The following EML4 variants were observed in gnomAD, a reference collection of about 807,000 sequenced individuals.
EML4 encodes EMAP like 4, also known as echinoderm microtubule-associated protein-like 4.
Under a neutral mutation model 129.0 loss-of-function variants are expected in EML4, and 72 were observed. That is an observed-to-expected ratio of 0.56 (90% CI 0.46 to 0.68). The LOEUF (loss-of-function observed/expected upper bound fraction) is 0.68. Ranked by LOEUF, EML4 falls within the 30% of genes least tolerant of loss-of-function variation. EML4 has a pLI of 0.00. For synonymous variants in EML4, 532 were observed against 405.0 expected (o/e 1.31, Z -3.77); for missense variants, 1,363 against 1,190.6 (o/e 1.14, Z -2.13).
rs1448425043 is a variant in EML4 at position 42,258,200 on chromosome 2, C to T, written c.338+1570C>T. Among the ~76,000 whole-genome samples, 2 of 152,052 alleles carry T rather than the reference C, an allele frequency of 1.3e-5. 1 individual carries two copies. Among genetic ancestry groups the T allele is most frequent in the African/African-American group, 4.8e-5 (2 of 41,400 alleles). ...TAAATAACCCAGAAGGAAAATGGCT[C>T]TTTTAGGTTGTACTGGGCCCACATA... On this transcript the variant is annotated intron_variant, in intron 3 of 22. Transcript: ENST00000318522.
Position 42,245,629 on chromosome 2 carries a change from G to C in EML4, c.150G>C (p.Arg50Ser). ...VLKAALADVLRRLAISEDHVA... is the reference protein window; with the variant it reads ...VLKAALADVLSRLAISEDHVA... Reference sequence around the variant, plus strand: ...AGGCGGCTTTGGCTGATGTTTTGAGGCGTCTTGCAATCTCTGAAGATCATG... The same window carrying C: ...AGGCGGCTTTGGCTGATGTTTTGAGCCGTCTTGCAATCTCTGAAGATCATG... The change falls in exon 2 of 23, where the codon AGG becomes AGC. Residue 50 changes from arginine to serine, a missense_variant. By Grantham distance (110) the Arg-to-Ser change is moderately radical (BLOSUM62 -1). Transcript: ENST00000318522. 1 of 1,613,724 alleles carries C rather than the reference G, an allele frequency of 6.2e-7. No homozygotes were observed. Among genetic ancestry groups the C allele is most frequent in the Middle Eastern group, 1.7e-4 (1 of 6,056 alleles).
chr2:42,202,088 A>AG (rs1466336027), intron 1 of EML4, among the ~76,000 whole-genome samples: 3 of 152,094 alleles, frequency 2.0e-5, no homozygotes, highest in African/African-American at 7.2e-5. Context: ...GTCTCAAAAA[A>AG]AAAAAAAAGA....
intron 6 of EML4, among the ~76,000 whole-genome samples, chr2:42,277,184 A>G (rs1415653139): frequency 2.6e-5 from 4 of 152,232 alleles, no homozygotes; most frequent in African/African-American, 9.6e-5. Context: ...CACCTCTGAT[A>G]AAAGATCCTG....
rs114047328 is a variant in EML4 at position 42,228,599 on chromosome 2, C to G, written c.26-16906C>G. ...TACATAGTGAGCTCTTAAAATGGCA[C>G]TGCTTTAAAAAATTTCTCATGAGTA... On this transcript the variant is annotated intron_variant, in intron 1 of 22. Transcript: ENST00000318522. Among the ~76,000 whole-genome samples, 1,123 of 152,238 alleles carry G rather than the reference C, an allele frequency of 7.4e-3. 12 individuals carry two copies. The highest frequency in any genetic ancestry group is 0.026 in the African/African-American group (1,077 of 41,546).
At chr2:42,269,251 A>C (rs1053875803) in intron 6 of EML4, among the ~76,000 whole-genome samples, 2 of 152,224 alleles carry the variant, frequency 1.3e-5, no homozygotes, top group African/African-American at 4.8e-5. Context: ...TGCTTTATCA[A>C]ATAATTTAAA....
At chr2:42,326,911 T>C (rs914908259) in intron 21 of EML4, among the ~76,000 whole-genome samples, 8 of 151,986 alleles carry the variant, frequency 5.3e-5, no homozygotes, top group Admixed American at 6.6e-5. Context: ...AATTCAGTGG[T>C]TTTTGTATAC....
At chr2:42,286,878 T>C (rs1010559861) in intron 10 of EML4, among the ~76,000 whole-genome samples, 3 of 152,224 alleles carry the variant, frequency 2.0e-5, no homozygotes, top group Non-Finnish European at 4.4e-5. Context: ...TTTGAATTGA[T>C]GACAACATGG....
intron 3 of EML4, among the ~76,000 whole-genome samples, chr2:42,260,254 G>A (rs1330563226): frequency 2.0e-5 from 3 of 151,970 alleles, no homozygotes; most frequent in Non-Finnish European, 2.9e-5. Flanking sequence ...TGCAAACTCC[G>A]CCTCCCTGGC....
intron 6 of EML4, among the ~76,000 whole-genome samples, chr2:42,277,053 T>C (rs1341881912): frequency 6.6e-6 from 1 of 151,998 alleles, no homozygotes; most frequent in Non-Finnish European, 1.5e-5. Flanking sequence ...AGGAGAGCAT[T>C]TTTTTTTCTT....
At position 42,325,602 on chromosome 2, in the gene EML4, T is replaced by TATA. The variant is rs1558614750; in HGVS notation, c.2242+48_2242+49insATA. ...ATATATATATATGCTATGATTATAT[T>TATA]TATATATATATATATATATATATAT... On this transcript the variant is annotated intron_variant, in intron 20 of 22. Coordinates refer to ENST00000318522, the MANE Select transcript of EML4 (RefSeq NM_019063.5). 417 of 129,286 alleles carry TATA rather than the reference T, an allele frequency of 3.2e-3. 43 individuals are homozygous for TATA. The highest frequency in any genetic ancestry group is 0.029 in the East Asian group (113 of 3,928). 8.0% of individuals were successfully genotyped at this position (129,286 alleles called of 1,614,324 possible).
chr2:42,303,151 A>G lies in EML4; in HGVS notation c.1689A>G (p.Ala563=). Residue 563 remains alanine (A), a synonymous_variant, in exon 15 of 23, where the codon GCA becomes GCG. Transcript: ENST00000318522. ...TCAGAGCTGTAGCAGAAGGAAAGGC[A>G]GATCAATTTTTAGTAGGCACATCAC... The part of the protein sequence containing the change: ...GTIRAVAEGK[A]DQFLVGTSRN... The G allele has an allele frequency of 6.2e-7, 1 of 1,614,172 alleles. No individual in the cohort carries two copies. The highest frequency in any genetic ancestry group is 1.1e-5 in the South Asian group (1 of 91,084).
chr2:42,272,175 G>C (rs190791878), intron 6 of EML4, among the ~76,000 whole-genome samples: 18 of 151,444 alleles, frequency 1.2e-4, no homozygotes, highest in Admixed American at 1.1e-3. Flanking sequence ...GAAGCACTTT[G>C]AAAAGAATGC....
intron 6 of EML4, among the ~76,000 whole-genome samples, chr2:42,269,270 A>G (rs1666238698): frequency 1.3e-5 from 2 of 152,262 alleles, no homozygotes; most frequent in East Asian, 3.8e-4. Flanking sequence ...AAAATAAATA[A>G]AACGAACTCA....
intron 1 of EML4, among the ~76,000 whole-genome samples, chr2:42,188,422 A>G (rs1293329707): frequency 6.6e-6 from 1 of 151,322 alleles, no homozygotes; most frequent in Non-Finnish European, 1.5e-5. Flanking sequence ...GGTTTTTGCC[A>G]TGTTGCCCAG....
intron 3 of EML4, among the ~76,000 whole-genome samples, chr2:42,258,991 A>G (rs1431354140): frequency 1.3e-5 from 2 of 152,226 alleles, no homozygotes; most frequent in Non-Finnish European, 1.5e-5. Flanking sequence ...TCACGCCTGT[A>G]ATCCCAGCAC....
chr2:42,230,810 C>G (rs779317403), intron 1 of EML4, among the ~76,000 whole-genome samples: 1 of 152,208 alleles, frequency 6.6e-6, no homozygotes. Flanking sequence ...TCATCTTCTT[C>G]CCTTCATTCT....
chr2:42,232,790 T>C (rs1335261135), intron 1 of EML4, among the ~76,000 whole-genome samples: 2 of 152,108 alleles, frequency 1.3e-5, no homozygotes, highest in Non-Finnish European at 2.9e-5. Context: ...GTGGCACGGA[T>C]TTCGGCTCAC....
chr2:42,225,983 AT>A (rs1285992712), intron 1 of EML4, among the ~76,000 whole-genome samples: 2 of 152,150 alleles, frequency 1.3e-5, no homozygotes, highest in African/African-American at 4.8e-5. Context: ...AATTTGTTTT[AT>A]TTTTAAGGAA....
At position 42,325,596 on chromosome 2, in the gene EML4, TTATATTTATATATATATATA is replaced by T. The variant is rs760837407; in HGVS notation, c.2242+48_2242+67del. The T allele has an allele frequency of 8.8e-3, 1,329 of 150,708 alleles. 36 individuals are homozygous for T. The highest frequency in any genetic ancestry group is 0.013 in the Non-Finnish European group (1,034 of 79,732). The allele number at this position is 150,708 out of a possible 1,614,324, so 9.3% of individuals were successfully genotyped here. On this transcript the variant is annotated intron_variant, in intron 20 of 22. Transcript: ENST00000318522. ...TTATATATATATATATATGCTATGA[TTATATTTATATATATATATA>T]TATATATATATATATATATATATGC...
Sources: allele counts gnomAD v4.1 joint callset (sites outside exome capture counted in the v4.1 genomes callset), GRCh38; gene constraint gnomAD v4.1.1; transcripts MANE v1.5; gene names NCBI Gene and HGNC (gene_info 2026-07-23, HGNC 2026-07-21).